Variants in NTRK3 observed in about 807,000 individuals in gnomAD.
NTRK3 encodes neurotrophic receptor tyrosine kinase 3.
In NTRK3, 24 loss-of-function variants were observed where a neutral mutation model predicts 91.7. That is an observed-to-expected ratio of 0.26 (90% confidence interval 0.19 to 0.37). NTRK3 has a LOEUF of 0.37. Ranked by LOEUF, NTRK3 falls within the 10% of genes least tolerant of loss-of-function variation. The pLI, the probability that NTRK3 is intolerant of heterozygous loss-of-function variation, is 1.00. For missense variants in NTRK3, 880 were observed against 1,068.9 expected, an observed-to-expected ratio of 0.82 and a Z score of 2.46; for synonymous variants, 483 against 404.0, an observed-to-expected ratio of 1.20 and a Z score of -2.34.
intron 3 of NTRK3, among the ~76,000 whole-genome samples, chr15:88,253,822 C>T (rs2053695738): frequency 6.6e-6 from 1 of 152,176 alleles, no homozygotes; most frequent in Non-Finnish European, 1.5e-5. Context: ...CTCCTGAGGC[C>T]CTCCAGTACC....
At chr15:87,926,371 G>A (rs1308904280) in intron 17 of NTRK3, among the ~76,000 whole-genome samples, 1 of 152,166 alleles carries the variant, frequency 6.6e-6, no homozygotes, top group East Asian at 1.9e-4. Flanking sequence ...GATTTCCAAT[G>A]GTGTGCTGTG....
intron 5 of NTRK3, among the ~76,000 whole-genome samples, chr15:88,149,972 A>G (rs546101828): frequency 1.3e-5 from 2 of 152,194 alleles, no homozygotes; most frequent in South Asian, 4.1e-4. Flanking sequence ...TTCCAAATCC[A>G]TGAGGTAATC....
chr15:88,182,973 A>G (rs1195772078), intron 5 of NTRK3, among the ~76,000 whole-genome samples: 1 of 151,982 alleles, frequency 6.6e-6, no homozygotes, highest in Non-Finnish European at 1.5e-5. Context: ...CTATTTAGAC[A>G]TAACACTGGC....
At chr15:87,894,863 A>C (rs2066031474) in intron 17 of NTRK3, among the ~76,000 whole-genome samples, 1 of 151,966 alleles carries the variant, frequency 6.6e-6, no homozygotes, top group Non-Finnish European at 1.5e-5. Context: ...GACTATTCTG[A>C]GTTGTGGATA....
At chr15:87,950,255 G>C (rs1273266433) in intron 14 of NTRK3, among the ~76,000 whole-genome samples, 1 of 152,226 alleles carries the variant, frequency 6.6e-6, no homozygotes, top group Non-Finnish European at 1.5e-5. Context: ...GTCAGGAAGA[G>C]AAACACCTGT....
At chr15:88,212,925 A>T (rs1382524248) in intron 3 of NTRK3, among the ~76,000 whole-genome samples, 1 of 152,316 alleles carries the variant, frequency 6.6e-6, no homozygotes, top group African/African-American at 2.4e-5. Context: ...AGTCAGAAAC[A>T]GCCCCAGGAA....
chr15:88,096,981 C>G (rs1024710974), intron 13 of NTRK3, among the ~76,000 whole-genome samples: 2 of 152,170 alleles, frequency 1.3e-5, no homozygotes, highest in African/African-American at 4.8e-5. Flanking sequence ...GATTTGACAG[C>G]CTTTCTAAAC....
At chr15:88,075,574 G>A (rs950365757) in intron 13 of NTRK3, among the ~76,000 whole-genome samples, 1 of 144,916 alleles carries the variant, frequency 6.9e-6, no homozygotes, top group Non-Finnish European at 1.5e-5. Context: ...AGTCTCCAAA[G>A]GAGAAGTCTC....
chr15:88,191,589 T>G (rs762838558), intron 3 of NTRK3, among the ~76,000 whole-genome samples: 2 of 152,348 alleles, frequency 1.3e-5, no homozygotes, highest in Admixed American at 1.3e-4. Context: ...CAAGTCAGCA[T>G]TGGAGCACAC....
exon 19 of NTRK3, chr15:87,869,507 G>A (rs986782034): frequency 3.2e-5 from 7 of 219,240 alleles, no homozygotes; most frequent in Non-Finnish European, 5.5e-5. Context: ...TTTCTGCTTT[G>A]TGTGCCGAAT....
chr15:88,137,609 C>T (rs757833096), intron 6 of NTRK3, 48 bp from the exon 7 acceptor site: 14 of 1,599,598 alleles, frequency 8.8e-6, no homozygotes, highest in African/African-American at 1.3e-5. Context: ...CGAAGATGGC[C>T]CAGGACCCTC....
chr15:88,148,657 T>A (rs941128749), intron 5 of NTRK3, among the ~76,000 whole-genome samples: 1 of 152,058 alleles, frequency 6.6e-6, no homozygotes, highest in African/African-American at 2.4e-5. Flanking sequence ...TTGCTGGCCA[T>A]GGGGAGGAGT....
chr15:87,955,666 C>A (rs1185100631), intron 14 of NTRK3, among the ~76,000 whole-genome samples: 5 of 152,144 alleles, frequency 3.3e-5, no homozygotes, highest in Non-Finnish European at 7.3e-5. Context: ...CTCTGAGTAA[C>A]CCTTGCTCCA....
chr15:87,896,183 A>C (rs1460805061), intron 17 of NTRK3, among the ~76,000 whole-genome samples: 1 of 152,138 alleles, frequency 6.6e-6, no homozygotes, highest in Non-Finnish European at 1.5e-5. Flanking sequence ...CTCTTAAAAT[A>C]TTTTACAGGC....
chr15:87,942,812 C>A (rs2070022631), intron 14 of NTRK3, among the ~76,000 whole-genome samples: 1 of 152,138 alleles, frequency 6.6e-6, no homozygotes, highest in South Asian at 2.1e-4. Flanking sequence ...AGTTTGTAAA[C>A]CTTTAAGTCC....
At chr15:87,884,614 T>C (rs1321752782) in intron 17 of NTRK3, among the ~76,000 whole-genome samples, 1 of 151,706 alleles carries the variant, frequency 6.6e-6, no homozygotes, top group East Asian at 1.9e-4. Context: ...AAAATATTTA[T>C]CAAATCAGCA....
Position 88,237,647 on chromosome 15 carries a change from C to T in NTRK3, c.248+18259G>A, listed in dbSNP as rs2051915287. 6.6e-6 allele frequency among the ~76,000 whole-genome samples: 1 copy of T among 152,152 alleles called. No individual in the cohort carries two copies. The highest frequency in any genetic ancestry group is 2.4e-5 in the African/African-American group (1 of 41,426). ...GATGTTGCACTTGCTTGCGTGTGTC[C>T]TTCCCTTTATCCACCTCTATTCCAC... On this transcript the variant is annotated intron_variant, in intron 3 of 18. Transcript: ENST00000394480. This position sits in a 1 kb window ranked among gnomAD's most constrained non-coding sequence, Gnocchi z 4.0.
intron 3 of NTRK3, among the ~76,000 whole-genome samples, chr15:88,198,640 G>A (rs946433329): frequency 6.6e-6 from 1 of 152,164 alleles, no homozygotes; most frequent in Non-Finnish European, 1.5e-5. Flanking sequence ...TGACAACAAA[G>A]TCTGCTGCAT....
At chr15:88,137,783 T>C (rs1006930259) in intron 6 of NTRK3, among the ~76,000 whole-genome samples, 8 of 152,230 alleles carry the variant, frequency 5.3e-5, no homozygotes, top group Non-Finnish European at 1.2e-4. Context: ...CCAGGTGCGG[T>C]GGCTCATGCC....
Sources: allele counts gnomAD v4.1 joint callset (sites outside exome capture counted in the v4.1 genomes callset), GRCh38; gene constraint gnomAD v4.1.1; non-coding constraint Gnocchi (gnomAD v3.1); transcripts MANE v1.5; gene names NCBI Gene and HGNC (gene_info 2026-07-23, HGNC 2026-07-21).